Variants in SPOCK3 observed in about 807,000 individuals in gnomAD.
SPOCK3 encodes the protein testican-3.
SPOCK3 carries 30 observed loss-of-function variants against 56.6 expected under a neutral mutation model. That is an observed-to-expected ratio of 0.53 (90% CI 0.40 to 0.72). The LOEUF is 0.72. Ranked by LOEUF, SPOCK3 falls within the 30% of genes least tolerant of loss-of-function variation. SPOCK3 has a pLI of 0.00. For synonymous variants in SPOCK3, 196 were observed against 183.3 expected (o/e 1.07, Z -0.56); for missense variants, 527 against 530.0 (o/e 0.99, Z 0.06).
chr4:167,207,377 A>T (rs544389408), intron 2 of SPOCK3, among the ~76,000 whole-genome samples: 2 of 152,162 alleles, frequency 1.3e-5, no homozygotes, highest in Non-Finnish European at 2.9e-5. Flanking sequence ...AAGATTATAT[A>T]TTAACAGAAT....
intron 9 of SPOCK3, among the ~76,000 whole-genome samples, chr4:166,738,231 T>C (rs1307442572): frequency 6.6e-6 from 1 of 151,524 alleles, no homozygotes; most frequent in Non-Finnish European, 1.5e-5. Context: ...TCTCTGTGTG[T>C]GTGTGTTTGT....
intron 3 of SPOCK3, among the ~76,000 whole-genome samples, chr4:167,018,821 C>A (rs1237017599): frequency 6.6e-6 from 1 of 151,970 alleles, no homozygotes; most frequent in African/African-American, 2.4e-5. Flanking sequence ...AATGGAAGCA[C>A]TAACTCTATC....
chr4:166,769,370 G>T (rs12505187), intron 7 of SPOCK3, among the ~76,000 whole-genome samples: 4 of 151,888 alleles, frequency 2.6e-5, no homozygotes, highest in East Asian at 1.9e-4. Context: ...GTTTTGGTGT[G>T]GATGTCCTTT....
intron 8 of SPOCK3, among the ~76,000 whole-genome samples, chr4:166,752,112 C>T (rs1736446078): frequency 6.6e-6 from 1 of 152,020 alleles, no homozygotes; most frequent in Non-Finnish European, 1.5e-5. Context: ...TCTCAGCTCA[C>T]TGCAACCTCC....
chr4:167,121,284 A>T (rs1761844482), intron 2 of SPOCK3, among the ~76,000 whole-genome samples: 1 of 151,998 alleles, frequency 6.6e-6, no homozygotes, highest in South Asian at 2.1e-4. Flanking sequence ...GACATGGCTC[A>T]TATTTTTCCA....
At chr4:167,060,174 G>T (rs947426401) in intron 3 of SPOCK3, among the ~76,000 whole-genome samples, 5 of 149,940 alleles carry the variant, frequency 3.3e-5, no homozygotes, top group Admixed American at 2.7e-4. Flanking sequence ...AAAAAAGAAA[G>T]AAAATGAAGG....
chr4:167,221,116 C>G (rs1276398234), intron 2 of SPOCK3, among the ~76,000 whole-genome samples: 1 of 151,886 alleles, frequency 6.6e-6, no homozygotes, highest in Non-Finnish European at 1.5e-5. Context: ...CGCCAACACT[C>G]TGGGAGGCTG....
chr4:167,018,797 C>T (rs1363940320), intron 3 of SPOCK3, among the ~76,000 whole-genome samples: 1 of 151,946 alleles, frequency 6.6e-6, no homozygotes, highest in Non-Finnish European at 1.5e-5. Context: ...CTTCTATCAG[C>T]AGAGTATGCA....
At chr4:166,918,505 A>G (rs150803525) in intron 4 of SPOCK3, 175 of 152,298 alleles carry the variant, frequency 1.1e-3, no homozygotes, top group African/African-American at 3.8e-3. Context: ...AATACTTTAT[A>G]AAATAAAATA....
chr4:166,812,140 T>A (rs997921587), intron 6 of SPOCK3, among the ~76,000 whole-genome samples: 1 of 151,862 alleles, frequency 6.6e-6, no homozygotes, highest in African/African-American at 2.4e-5. Flanking sequence ...ATATCTTTGA[T>A]TTAACAAATT....
intron 2 of SPOCK3, among the ~76,000 whole-genome samples, chr4:167,225,942 T>C (rs1736553549): frequency 6.6e-6 from 1 of 152,190 alleles, no homozygotes; most frequent in Admixed American, 6.5e-5. Flanking sequence ...ACTTCTAGTA[T>C]TATTTCAGCA....
At chr4:166,886,690 G>C (rs1734231869) in intron 6 of SPOCK3, among the ~76,000 whole-genome samples, 1 of 152,128 alleles carries the variant, frequency 6.6e-6, no homozygotes, top group Non-Finnish European at 1.5e-5. Flanking sequence ...AATATAGGAA[G>C]TCAGAAAGAT....
chr4:166,968,138 G>A (rs1022658743), intron 4 of SPOCK3, among the ~76,000 whole-genome samples: 1 of 152,198 alleles, frequency 6.6e-6, no homozygotes, highest in Non-Finnish European at 1.5e-5. Context: ...GCTTCCAAAT[G>A]CCTATGCTCA....
chr4:167,002,028 G>A (rs1748999868), intron 3 of SPOCK3, among the ~76,000 whole-genome samples: 1 of 151,770 alleles, frequency 6.6e-6, no homozygotes, highest in Non-Finnish European at 1.5e-5. Flanking sequence ...GTGCGATCTC[G>A]GCTCACTTCA....
At chr4:166,839,995 AG>A (rs1747068287) in intron 6 of SPOCK3, among the ~76,000 whole-genome samples, 1 of 152,216 alleles carries the variant, frequency 6.6e-6, no homozygotes, top group Non-Finnish European at 1.5e-5. Flanking sequence ...CTTGCGTTTT[AG>A]TGTTTGCAAT....
intron 2 of SPOCK3, among the ~76,000 whole-genome samples, chr4:167,214,107 A>T (rs956749995): frequency 2.0e-5 from 3 of 151,660 alleles, no homozygotes; most frequent in Non-Finnish European, 4.4e-5. Flanking sequence ...CAAAGATGCA[A>T]CCTTTATTAT....
At chr4:167,011,409 A>G (rs1299184494) in intron 3 of SPOCK3, 1 of 317,918 alleles carries the variant, frequency 3.1e-6, no homozygotes, top group East Asian at 8.5e-5. Flanking sequence ...CATTGTTTCC[A>G]TGCCCCAGTA....
At position 167,109,253 on chromosome 4, in the gene SPOCK3, T is replaced by C. The variant is rs1205527341; in HGVS notation, c.190-46716A>G. On this transcript the variant is annotated intron_variant, in intron 2 of 10. Transcript: ENST00000357545. ...ATATATATTTAATATTTATTTATTA[T>C]ATATTTATTATTATTATAAAAATTA... Among the ~76,000 whole-genome samples the C allele has an allele frequency of 6.7e-5, 6 of 90,144 alleles. No homozygotes were observed. The Admixed American group carries it at 1.2e-3, about 18-fold the overall frequency. 59.1% of individuals were successfully genotyped at this position (90,144 alleles called of 152,430 possible).
intron 6 of SPOCK3, among the ~76,000 whole-genome samples, chr4:166,881,568 A>G (rs1733695079): frequency 1.3e-5 from 2 of 152,040 alleles, no homozygotes; most frequent in South Asian, 4.1e-4. Context: ...TCTAAAATTG[A>G]CAGTCTTTGA....
Sources: allele counts gnomAD v4.1 joint callset (sites outside exome capture counted in the v4.1 genomes callset), GRCh38; gene constraint gnomAD v4.1.1; transcripts MANE v1.5; gene names NCBI Gene and HGNC (gene_info 2026-07-23, HGNC 2026-07-21).